MTA3: variants seen among roughly 807,000 people sequenced by gnomAD.
MTA3 encodes the protein metastasis associated 1 family member 3.
In MTA3, 34 loss-of-function variants were observed where a neutral mutation model predicts 83.5. The observed-to-expected ratio is 0.41, with a 90% confidence interval of 0.31 to 0.54. MTA3 has a LOEUF of 0.54. Ranked by LOEUF, MTA3 falls within the 20% of genes least tolerant of loss-of-function variation. The pLI is 0.33. For missense variants in MTA3, 761 were observed against 726.4 expected, an observed-to-expected ratio of 1.05 and a Z score of -0.55; for synonymous variants, 303 against 252.7, an observed-to-expected ratio of 1.20 and a Z score of -1.89.
intron 2 of MTA3, among the ~76,000 whole-genome samples, chr2:42,558,233 G>C (rs2103793154): frequency 6.7e-6 from 1 of 148,962 alleles, no homozygotes; most frequent in South Asian, 2.1e-4. Context: ...GGAATCACCT[G>C]AGGACTTTTT....
In MTA3 at chr2:42,709,014, G is replaced by C; in HGVS notation, c.1443G>C (p.Gln481His). 4 of 1,613,982 alleles carry C rather than the reference G, an allele frequency of 2.5e-6. No individual in the cohort carries two copies. Among genetic ancestry groups the C allele is most frequent in the Non-Finnish European group, 3.4e-6 (4 of 1,179,888 alleles). ...CATATTTCACAAAATTTGCTCGTCA[G>C]GTCTGCAAAAATACCCTCCGGCTGC... Reference protein sequence around the residue: ...HTTYFTKFARQVCKNTLRLRQ... With the variant: ...HTTYFTKFARHVCKNTLRLRQ... The change falls in exon 14 of 17, where the codon CAG becomes CAC. Residue 481 changes from glutamine to histidine, a missense_variant. Gln to His is a conservative substitution (Grantham distance 24). Transcript: ENST00000405094.
chr2:42,563,086 C>G (rs542456164), intron 2 of MTA3, among the ~76,000 whole-genome samples: 1 of 152,292 alleles, frequency 6.6e-6, no homozygotes, highest in African/African-American at 2.4e-5. Flanking sequence ...TACCCTAGGC[C>G]AGACCACCAC....
chr2:42,731,776 A>G (rs965158592), intron 16 of MTA3, among the ~76,000 whole-genome samples: 1 of 152,210 alleles, frequency 6.6e-6, no homozygotes, highest in Non-Finnish European at 1.5e-5. Flanking sequence ...GCATTAACCC[A>G]AAAGTCCACA....
At chr2:42,638,061 A>G (rs751628747) in intron 4 of MTA3, among the ~76,000 whole-genome samples, 6 of 152,184 alleles carry the variant, frequency 3.9e-5, no homozygotes, top group East Asian at 1.9e-4. Context: ...AAAAGTACCT[A>G]TTAAAATAAA....
chr2:42,614,976 T>TA (rs55857778), intron 4 of MTA3, among the ~76,000 whole-genome samples: 51,634 of 142,330 alleles, frequency 0.36, 9,377 homozygotes, highest in African/African-American at 0.41. Context: ...GACTCTGTCT[T>TA]AAAAAAAAAA....
At chr2:42,695,261 T>A (rs1693278058) in intron 9 of MTA3, among the ~76,000 whole-genome samples, 1 of 152,184 alleles carries the variant, frequency 6.6e-6, no homozygotes, top group Non-Finnish European at 1.5e-5. Context: ...TACCGTTTGC[T>A]AAGGATTAAT....
chr2:42,738,674 C>G (rs1668785231), intron 16 of MTA3, among the ~76,000 whole-genome samples: 1 of 152,200 alleles, frequency 6.6e-6, no homozygotes, highest in African/African-American at 2.4e-5. Context: ...CCAGGCAGAA[C>G]AGAGCCATAT....
At chr2:42,510,474 G>A (rs1462554515) in intron 2 of MTA3, among the ~76,000 whole-genome samples, 1 of 152,126 alleles carries the variant, frequency 6.6e-6, no homozygotes, top group Non-Finnish European at 1.5e-5. Flanking sequence ...CACCCCTTCT[G>A]TCCCTGGAGG....
intron 6 of MTA3, among the ~76,000 whole-genome samples, chr2:42,650,682 G>A (rs1302787204): frequency 6.6e-6 from 1 of 152,084 alleles, no homozygotes; most frequent in Non-Finnish European, 1.5e-5. Context: ...GCCCGCCTCA[G>A]CCTCCCAAAG....
chr2:42,505,625 C>A (rs1424659490), intron 2 of MTA3, among the ~76,000 whole-genome samples: 2 of 151,892 alleles, frequency 1.3e-5, no homozygotes, highest in African/African-American at 4.8e-5. Flanking sequence ...GATCATTATA[C>A]AAGATAGTCT....
intron 2 of MTA3, among the ~76,000 whole-genome samples, chr2:42,505,812 A>T (rs993163082): frequency 6.9e-5 from 10 of 144,244 alleles, no homozygotes; most frequent in African/African-American, 2.6e-4. Context: ...TCTGTCACCC[A>T]GGCTGGAGTG....
chr2:42,552,573 C>T (rs1677164565), intron 2 of MTA3, among the ~76,000 whole-genome samples: 1 of 149,122 alleles, frequency 6.7e-6, no homozygotes, highest in African/African-American at 2.5e-5. Flanking sequence ...AATAAACGCC[C>T]AGATGGCACC....
intron 4 of MTA3, among the ~76,000 whole-genome samples, chr2:42,636,071 G>A (rs964662895): frequency 7.2e-5 from 11 of 152,058 alleles, no homozygotes; most frequent in Admixed American, 5.2e-4. Flanking sequence ...GCCGGGCCAG[G>A]AATGGTTTTT....
intron 4 of MTA3, among the ~76,000 whole-genome samples, chr2:42,614,935 A>T (rs1684669191): frequency 1.3e-5 from 2 of 151,224 alleles, no homozygotes; most frequent in African/African-American, 4.9e-5. Flanking sequence ...CATGATTGTG[A>T]CACTGTACTT....
intron 2 of MTA3, chr2:42,533,157 AC>A (rs1676056048): frequency 6.8e-6 from 1 of 146,886 alleles, no homozygotes; most frequent in Non-Finnish European, 1.5e-5. Context: ...GCTCACTGCA[AC>A]CTCCACCTCC....
At chr2:42,504,084 C>A (rs1457019547) in intron 2 of MTA3, among the ~76,000 whole-genome samples, 1 of 151,100 alleles carries the variant, frequency 6.6e-6, no homozygotes, top group Non-Finnish European at 1.5e-5. Flanking sequence ...TCACCACGCC[C>A]AGCCCAGCTA....
chr2:42,522,248 G>A (rs902989171), intron 2 of MTA3, among the ~76,000 whole-genome samples: 10 of 152,170 alleles, frequency 6.6e-5, no homozygotes, highest in African/African-American at 2.4e-4. Context: ...ATGCAAAGAG[G>A]ATCCTCAGGG....
chr2:42,552,815 C>T (rs1032366585), intron 2 of MTA3, among the ~76,000 whole-genome samples: 1 of 151,540 alleles, frequency 6.6e-6, no homozygotes, highest in African/African-American at 2.4e-5. Context: ...CCAGGTGTGG[C>T]GGCACATGCC....
At chr2:42,605,867 G>A (rs1335572263) in intron 3 of MTA3, among the ~76,000 whole-genome samples, 4 of 129,782 alleles carry the variant, frequency 3.1e-5, no homozygotes, top group South Asian at 2.7e-4. Context: ...CCTCCTGGAC[G>A]GGGCGGTTGG....
Sources: allele counts gnomAD v4.1 joint callset (sites outside exome capture counted in the v4.1 genomes callset), GRCh38; gene constraint gnomAD v4.1.1; transcripts MANE v1.5; gene names NCBI Gene and HGNC (gene_info 2026-07-23, HGNC 2026-07-21).